NLGN1: variants seen among roughly 807,000 people sequenced by gnomAD.
NLGN1 encodes the protein neuroligin-1.
NLGN1 carries 12 observed loss-of-function variants against 65.5 expected under a neutral mutation model. The observed-to-expected ratio is 0.18, with a 90% confidence interval of 0.12 to 0.30. The LOEUF (loss-of-function observed/expected upper bound fraction) is 0.30. NLGN1 is among the 10% of genes least tolerant of loss of function. The probability of loss-of-function intolerance (pLI) is 1.00; values close to 1 mark genes in which losing one functional copy is unlikely to be tolerated. For synonymous variants in NLGN1, 350 were observed against 359.5 expected (o/e 0.97, Z 0.30); for missense variants, 750 against 1,007.1 (o/e 0.74, Z 3.46).
At chr3:174,200,184 G>A (rs1261459706) in intron 4 of NLGN1, among the ~76,000 whole-genome samples, 1 of 152,174 alleles carries the variant, frequency 6.6e-6, no homozygotes, top group Non-Finnish European at 1.5e-5. Context: ...TTCCTCATCT[G>A]TAAAATGCAG....
intron 3 of NLGN1, among the ~76,000 whole-genome samples, chr3:173,784,460 TG>T (rs1297132241): frequency 6.6e-6 from 1 of 152,054 alleles, no homozygotes; most frequent in Non-Finnish European, 1.5e-5. Flanking sequence ...CAGAGGGAAG[TG>T]GCCACACTGA....
chr3:173,689,047 C>A (rs1349615987), intron 3 of NLGN1, among the ~76,000 whole-genome samples: 1 of 152,134 alleles, frequency 6.6e-6, no homozygotes, highest in Non-Finnish European at 1.5e-5. Context: ...CTCTGGTAGA[C>A]CCAGATCTGC....
intron 4 of NLGN1, among the ~76,000 whole-genome samples, chr3:174,258,642 C>T (rs540919627): frequency 6.6e-6 from 1 of 152,156 alleles, no homozygotes; most frequent in East Asian, 1.9e-4. Flanking sequence ...AATCTTTTAC[C>T]AGAAATCTGT....
At chr3:174,105,135 G>C (rs939823815) in intron 4 of NLGN1, among the ~76,000 whole-genome samples, 2 of 152,030 alleles carry the variant, frequency 1.3e-5, no homozygotes. Flanking sequence ...GCTAAGAAAG[G>C]GGAGACAAAG....
chr3:173,455,167 A>G lies in NLGN1; in HGVS notation c.-321+20089A>G, dbSNP rs756807919. On this transcript the variant is annotated intron_variant, in intron 2 of 6. Coordinates refer to ENST00000457714, the Ensembl canonical transcript of NLGN1. ...TTGCTATTAATAAATACCTGAGGTT[A>G]TATAATTTATAAAGAAGGGAGGTTT... 1.4e-3 allele frequency among the ~76,000 whole-genome samples: 212 copies of G among 152,348 alleles called. 1 individual carries two copies. Among genetic ancestry groups the G allele is most frequent in the Admixed American group, 0.014 (211 of 15,308 alleles).
At chr3:174,151,477 C>A (rs965787616) in intron 4 of NLGN1, among the ~76,000 whole-genome samples, 2 of 152,034 alleles carry the variant, frequency 1.3e-5, no homozygotes, top group Non-Finnish European at 2.9e-5. Flanking sequence ...ATAATATGGG[C>A]TTGCATTTCT....
In NLGN1 at chr3:173,446,214, C is replaced by A. The variant is rs576270381; in HGVS notation, c.-321+11136C>A. Among the ~76,000 whole-genome samples the A allele has an allele frequency of 4.5e-4, 47 of 103,690 alleles. 1 individual carries two copies. In the East Asian group the frequency reaches 0.011, roughly 24 times the overall value. The allele number at this position is 103,690 out of a possible 152,430, so 68.0% of individuals were successfully genotyped here. ...ATATCTCCTAATGCTATCCCTCCCCCCTACCCCCACCCCACAACAGTCCCG... is the reference window on the plus strand; with the variant it reads ...ATATCTCCTAATGCTATCCCTCCCCACTACCCCCACCCCACAACAGTCCCG... On this transcript the variant is annotated intron_variant, in intron 2 of 6. Transcript: ENST00000457714.
intron 2 of NLGN1, among the ~76,000 whole-genome samples, chr3:173,566,032 A>G (rs1743599980): frequency 6.6e-6 from 1 of 152,212 alleles, no homozygotes; most frequent in Admixed American, 6.5e-5. Context: ...TTGTAGAGAA[A>G]GAAGGGATGA....
intron 4 of NLGN1, among the ~76,000 whole-genome samples, chr3:174,112,635 A>C (rs1715483831): frequency 6.6e-6 from 1 of 151,954 alleles, no homozygotes; most frequent in African/African-American, 2.4e-5. Context: ...TGTATTGAAA[A>C]GTCATTTTAA....
chr3:174,088,361 G>GCCTTTT (rs1743819719), intron 4 of NLGN1, among the ~76,000 whole-genome samples: 1 of 152,176 alleles, frequency 6.6e-6, no homozygotes, highest in Non-Finnish European at 1.5e-5. Flanking sequence ...CATGTTACAA[G>GCCTTTT]TTCCCATTTT....
chr3:173,748,107 A>G (rs1242555922), intron 3 of NLGN1, among the ~76,000 whole-genome samples: 1 of 151,938 alleles, frequency 6.6e-6, no homozygotes, highest in African/African-American at 2.4e-5. Flanking sequence ...GCCTGAAAAC[A>G]TATATTTAGG....
intron 3 of NLGN1, among the ~76,000 whole-genome samples, chr3:173,658,956 G>A (rs1760498919): frequency 6.6e-6 from 1 of 152,022 alleles, no homozygotes; most frequent in South Asian, 2.1e-4. Context: ...TATTCGAAGA[G>A]TACAGTTAAC....
At chr3:174,101,844 T>G (rs902169291) in intron 4 of NLGN1, among the ~76,000 whole-genome samples, 10 of 152,078 alleles carry the variant, frequency 6.6e-5, no homozygotes, top group African/African-American at 2.4e-4. Flanking sequence ...TGTAAGCCAC[T>G]CTCTGTGTGT....
intron 4 of NLGN1, among the ~76,000 whole-genome samples, chr3:174,046,145 A>G (rs974633911): frequency 6.6e-6 from 1 of 152,186 alleles, no homozygotes; most frequent in African/African-American, 2.4e-5. Flanking sequence ...ATTTTGCAAG[A>G]GCATGTAAAA....
intron 3 of NLGN1, among the ~76,000 whole-genome samples, chr3:173,675,713 T>C (rs567792408): frequency 1.3e-5 from 2 of 152,074 alleles, no homozygotes; most frequent in African/African-American, 4.8e-5. Flanking sequence ...GAGGTGGATG[T>C]GGTTATAGAA....
rs975328458 is a variant in NLGN1 at position 174,232,242 on chromosome 3, G to A, written c.647-43073G>A. ...GCAGAGTGGGGTTCACAAGGTGCTC[G>A]GTAGGGGAGCTTTTGAGCCAGGATG... On this transcript the variant is annotated intron_variant, in intron 4 of 6. Coordinates refer to ENST00000457714, the Ensembl canonical transcript of NLGN1. 3.3e-5 allele frequency among the ~76,000 whole-genome samples: 5 copies of A among 152,120 alleles called. No homozygotes were observed. In the East Asian group the frequency reaches 5.8e-4, roughly 18 times the overall value.
At chr3:174,084,282 A>T (rs892762977) in intron 4 of NLGN1, among the ~76,000 whole-genome samples, 10 of 152,196 alleles carry the variant, frequency 6.6e-5, no homozygotes, top group African/African-American at 2.2e-4. Context: ...TTAAAAAATA[A>T]TCTACAGGCA....
intron 2 of NLGN1, among the ~76,000 whole-genome samples, chr3:173,538,729 A>G (rs1737877021): frequency 1.3e-5 from 2 of 152,178 alleles, no homozygotes; most frequent in Non-Finnish European, 2.9e-5. Context: ...TGTGAAGCCC[A>G]TGCCTAACCT....
intron 4 of NLGN1, among the ~76,000 whole-genome samples, chr3:173,971,222 A>G (rs928394465): frequency 1.3e-5 from 2 of 152,148 alleles, no homozygotes; most frequent in African/African-American, 4.8e-5. Flanking sequence ...TCAAAGAAAG[A>G]TTTCCAGGAA....
Sources: gnomAD v4.1 joint callset for allele counts (sites outside exome capture counted in the v4.1 genomes callset) on GRCh38, gnomAD v4.1.1 for gene constraint, MANE v1.5 for transcripts, NCBI Gene and HGNC (gene_info 2026-07-23, HGNC 2026-07-21) for gene names.